Variants in RFLNA observed in about 807,000 individuals in gnomAD.
RFLNA encodes the protein refilin-A.
RFLNA carries 5 observed loss-of-function variants against 7.8 expected under a neutral mutation model. That is an observed-to-expected ratio of 0.64 (90% CI 0.34 to 1.35). The LOEUF (loss-of-function observed/expected upper bound fraction) is 1.35, where lower values mean the gene tolerates loss of function less well. RFLNA is among the 40% of genes most tolerant of loss of function. The probability of loss-of-function intolerance (pLI) is 0.04; values close to 1 mark genes in which losing one functional copy is unlikely to be tolerated. For synonymous variants in RFLNA, 141 were observed against 131.3 expected, an observed-to-expected ratio of 1.07 and a Z score of -0.50; for missense variants, 278 against 305.5, an observed-to-expected ratio of 0.91 and a Z score of 0.67.
chr12:124,294,448 A>T (rs2033869467), upstream of RFLNA, among the ~76,000 whole-genome samples: 1 of 152,204 alleles, frequency 6.6e-6, no homozygotes, highest in Non-Finnish European at 1.5e-5. Flanking sequence ...GAAAACAGTA[A>T]GGAAGGGAAA....
In RFLNA at chr12:124,302,840, A is replaced by AGGGCCGAGGTCAGG. The variant is rs2034067417; in HGVS notation, c.207+7207_207+7220dup. Reference sequence around the variant, plus strand: ...GGCCGAGGTCAGGGGCCGAGGTCAGAGGGCCGAGGTCAGGGGCCGAGGTCA... The same window carrying AGGGCCGAGGTCAGG: ...GGCCGAGGTCAGGGGCCGAGGTCAGAGGGCCGAGGTCAGGGGGCCGAGGTCAGGGGCCGAGGTCA... On this transcript the variant is annotated intron_variant, in intron 1 of 2. Transcript: ENST00000546355. Among the ~76,000 whole-genome samples, 37 of 64,890 alleles carry AGGGCCGAGGTCAGG rather than the reference A, an allele frequency of 5.7e-4. 9 individuals carry two copies. The highest frequency in any genetic ancestry group is 1.1e-3 in the South Asian group (2 of 1,742). The allele number at this position is 64,890 out of a possible 152,430, so 42.6% of individuals were successfully genotyped here. A position where few individuals can be genotyped will look rare whatever the true frequency, so the allele number is the denominator to read the frequency against.
intron 1 of RFLNA, among the ~76,000 whole-genome samples, chr12:124,310,358 G>A (rs1485270591): frequency 6.6e-6 from 1 of 151,590 alleles, no homozygotes; most frequent in Non-Finnish European, 1.5e-5. Context: ...GTCTGGCGGG[G>A]AACACTTCCG....
At chr12:124,294,002 G>A (rs2033860787), upstream of RFLNA, among the ~76,000 whole-genome samples, 1 of 152,194 alleles carries the variant, frequency 6.6e-6, no homozygotes, top group Non-Finnish European at 1.5e-5. Flanking sequence ...GCTTCCTGGT[G>A]CATTGACAGG....
intron 1 of RFLNA, among the ~76,000 whole-genome samples, chr12:124,304,547 A>G (rs1038787830): frequency 6.6e-6 from 1 of 152,202 alleles, no homozygotes; most frequent in Non-Finnish European, 1.5e-5. Flanking sequence ...GTGTGGTGGT[A>G]TCCGGAGGGT....
At chr12:124,314,051 T>G in intron 2 of RFLNA, 141 bp from the exon 3 acceptor site, 1 of 1,136,180 alleles carries the variant, frequency 8.8e-7, no homozygotes, top group Non-Finnish European at 1.2e-6. Context: ...TTTGACCTTC[T>G]TGACCTTGAC....
At chr12:124,292,624 C>A (rs7294926), upstream of RFLNA, among the ~76,000 whole-genome samples, 125,613 of 152,150 alleles carry the variant, frequency 0.83, 52,151 homozygotes, top group Middle Eastern at 0.91. Context: ...GGGCTTTGAC[C>A]TTTGTAGTGC....
At chr12:124,304,429 C>T (rs2034102924) in intron 1 of RFLNA, among the ~76,000 whole-genome samples, 1 of 152,200 alleles carries the variant, frequency 6.6e-6, no homozygotes, top group South Asian at 2.1e-4. Context: ...GCCCGGAGCT[C>T]TGGCTTCCCG....
At chr12:124,297,994 C>T (rs2033961239) in intron 1 of RFLNA, among the ~76,000 whole-genome samples, 1 of 152,266 alleles carries the variant, frequency 6.6e-6, no homozygotes, top group South Asian at 2.1e-4. Context: ...GAAACCTGTG[C>T]TGCGCCTCGC....
At chr12:124,291,461 T>C (rs1233549269), upstream of RFLNA, among the ~76,000 whole-genome samples, 3 of 152,176 alleles carry the variant, frequency 2.0e-5, no homozygotes, top group Admixed American at 6.5e-5. Context: ...TTCACCATGT[T>C]GGTCAGGCTG....
intron 1 of RFLNA, among the ~76,000 whole-genome samples, chr12:124,302,772 A>AG (rs1422136161): frequency 5.7e-5 from 8 of 139,938 alleles, no homozygotes; most frequent in Non-Finnish European, 1.1e-4. Context: ...CAGGGAGGTC[A>AG]GGGGCCGAGG....
At chr12:124,291,308 G>A (rs2033821886), upstream of RFLNA, among the ~76,000 whole-genome samples, 4 of 152,254 alleles carry the variant, frequency 2.6e-5, no homozygotes, top group South Asian at 8.3e-4. Context: ...AGGCTGGAGT[G>A]CAGTGGCATG....
upstream of RFLNA, among the ~76,000 whole-genome samples, chr12:124,293,086 G>A (rs2033848373): frequency 2.0e-5 from 3 of 152,110 alleles, no homozygotes; most frequent in South Asian, 2.1e-4. Context: ...ACCACGCCCG[G>A]CTAATTTTTT....
chr12:124,313,900 T>A (rs1272271384), intron 2 of RFLNA, among the ~76,000 whole-genome samples: 1 of 152,162 alleles, frequency 6.6e-6, no homozygotes, highest in Non-Finnish European at 1.5e-5. Context: ...ACGACACGGC[T>A]CAGTTTCACC....
chr12:124,291,167 A>G (rs1593020634), upstream of RFLNA, among the ~76,000 whole-genome samples: 1 of 152,340 alleles, frequency 6.6e-6, no homozygotes, highest in Middle Eastern at 3.4e-3. Flanking sequence ...TCTACTTAGG[A>G]TAGGCTGTGT....
intron 1 of RFLNA, among the ~76,000 whole-genome samples, chr12:124,302,445 C>T (rs2034054280): frequency 6.6e-6 from 1 of 152,148 alleles, no homozygotes; most frequent in African/African-American, 2.4e-5. Flanking sequence ...TGGCCTGACC[C>T]ACTCGGGGTC....
At chr12:124,310,661 G>A (rs1031540206) in intron 1 of RFLNA, among the ~76,000 whole-genome samples, 11 of 151,998 alleles carry the variant, frequency 7.2e-5, no homozygotes, top group Non-Finnish European at 1.0e-4. Flanking sequence ...GAGGAGCACC[G>A]GGCAGGGGCA....
intron 1 of RFLNA, among the ~76,000 whole-genome samples, chr12:124,300,762 GGATGGATGGATT>G (rs1566322841): frequency 1.9e-3 from 139 of 71,578 alleles, no homozygotes; most frequent in Non-Finnish European, 2.9e-3. Flanking sequence ...ATGGATGGAT[GGATGGATGGATT>G]GACGGATGGA....
intron 2 of RFLNA, among the ~76,000 whole-genome samples, chr12:124,312,801 CGCATATG>C (rs2034269702): frequency 1.0e-3 from 2 of 1,960 alleles, no homozygotes; most frequent in African/African-American, 3.3e-3. Context: ...ATGCATATGA[CGCATATG>C]ACATCTTAGG....
intron 2 of RFLNA, among the ~76,000 whole-genome samples, chr12:124,312,589 G>A (rs1247214702): frequency 6.6e-6 from 1 of 152,164 alleles, no homozygotes; most frequent in African/African-American, 2.4e-5. Context: ...GGGATGACAG[G>A]TGTGAGTCAC....
Sources: allele counts gnomAD v4.1 joint callset (sites outside exome capture counted in the v4.1 genomes callset), GRCh38; gene constraint gnomAD v4.1.1; transcripts MANE v1.5; gene names NCBI Gene and HGNC (gene_info 2026-07-23, HGNC 2026-07-21).